The following LRIF1 variants were observed in gnomAD, a reference collection of about 807,000 sequenced individuals.
LRIF1 encodes ligand dependent nuclear receptor interacting factor 1.
LRIF1 carries 32 observed loss-of-function variants against 52.7 expected under a neutral mutation model. The ratio of observed to expected loss-of-function variants is 0.61; its 90% CI spans 0.46 to 0.82. LRIF1 has a LOEUF of 0.82. Ranked by LOEUF, LRIF1 falls within the 40% of genes least tolerant of loss-of-function variation. The pLI is 0.00. For synonymous variants in LRIF1, 323 were observed against 317.4 expected (o/e 1.02, Z -0.19); for missense variants, 887 against 892.0 (o/e 0.99, Z 0.07).
chr1:110,923,462 T>C, the LRIF1 span, among the ~76,000 whole-genome samples: 1 of 151,978 alleles, frequency 6.6e-6, no homozygotes. Context: ...TTTTATCATG[T>C]GCAAGGGTCA....
the LRIF1 span, among the ~76,000 whole-genome samples, chr1:110,935,851 T>C: frequency 6.6e-6 from 1 of 151,960 alleles, no homozygotes; most frequent in African/African-American, 2.4e-5. Flanking sequence ...AAGAATGTTA[T>C]GGAACAATGA....
At chr1:110,906,880 G>A in the LRIF1 span, among the ~76,000 whole-genome samples, 1 of 152,072 alleles carries the variant, frequency 6.6e-6, no homozygotes, top group Non-Finnish European at 1.5e-5. Flanking sequence ...TGCTCTTGAA[G>A]AAAAAACACC....
the LRIF1 span, among the ~76,000 whole-genome samples, chr1:110,902,515 A>C: frequency 2.3e-3 from 350 of 149,602 alleles, 1 homozygote; most frequent in African/African-American, 8.2e-3. Context: ...AAAAAAAAAA[A>C]AAAAAGAAAT....
In LRIF1 at chr1:110,957,470, C is replaced by CAAA. The variant is rs34396800; in HGVS notation, c.69-4658_69-4656dup. On this transcript the variant is annotated intron_variant, in intron 1 of 3. Coordinates refer to ENST00000369763, the MANE Select transcript of LRIF1 (RefSeq NM_018372.4). ...TGGGCGACAAAGCAAGACTCAGTCT[C>CAAA]AAAAAAAAAAAAAAAAAAAAAAGAC... Among the ~76,000 whole-genome samples, 32 of 42,716 alleles carry CAAA rather than the reference C, an allele frequency of 7.5e-4. 1 individual carries two copies. The highest frequency in any genetic ancestry group is 2.6e-3 in the South Asian group (2 of 766). The allele number at this position is 42,716 out of a possible 152,430, so 28.0% of individuals were successfully genotyped here.
chr1:110,940,975 G>C, the LRIF1 span: 35 of 152,170 alleles, frequency 2.3e-4, no homozygotes, highest in Non-Finnish European at 7.4e-5. Context: ...AACTAGAAGA[G>C]TGTAACTGGA....
chr1:110,913,480 T>C, the LRIF1 span, among the ~76,000 whole-genome samples: 1 of 152,200 alleles, frequency 6.6e-6, no homozygotes, highest in African/African-American at 2.4e-5. Context: ...CCATTAAAAA[T>C]GGACAAAGTA....
At chr1:110,917,275 C>T in the LRIF1 span, among the ~76,000 whole-genome samples, 1 of 152,172 alleles carries the variant, frequency 6.6e-6, no homozygotes, top group African/African-American at 2.4e-5. Context: ...TACTTGTTGC[C>T]ACTCTCTCCC....
chr1:110,931,487 TG>T, the LRIF1 span, among the ~76,000 whole-genome samples: 1 of 152,224 alleles, frequency 6.6e-6, no homozygotes, highest in African/African-American at 2.4e-5. Context: ...TAAAATCCTT[TG>T]GGTATATACC....
chr1:110,952,851 T>G (rs1205946540), intron 1 of LRIF1, 36 bp from the exon 2 acceptor site: 1 of 1,164,918 alleles, frequency 8.6e-7, no homozygotes, highest in South Asian at 1.9e-5. Context: ...TACAACATAC[T>G]ACATGGTATA....
the LRIF1 span, chr1:110,896,812 G>C: frequency 8.4e-7 from 1 of 1,185,060 alleles, no homozygotes; most frequent in Non-Finnish European, 1.2e-6. Context: ...AGTCATAGAG[G>C]ACCTAGACCT....
the LRIF1 span, among the ~76,000 whole-genome samples, chr1:110,934,986 CAGAG>C: frequency 1.3e-5 from 2 of 152,118 alleles, no homozygotes; most frequent in Admixed American, 1.3e-4. Flanking sequence ...TGGTTCAGGA[CAGAG>C]AGAAACACTC....
the LRIF1 span, among the ~76,000 whole-genome samples, chr1:110,881,915 T>A: frequency 3.3e-5 from 5 of 152,236 alleles, no homozygotes; most frequent in African/African-American, 1.2e-4. Flanking sequence ...TAGTATCTTC[T>A]TTGGTGAATT....
intron 1 of LRIF1, among the ~76,000 whole-genome samples, chr1:110,962,970 G>C (rs1449597836): frequency 1.3e-5 from 2 of 150,546 alleles, no homozygotes; most frequent in African/African-American, 4.9e-5. Flanking sequence ...AACTTTACAA[G>C]AATATCTTCC....
At chr1:110,897,670 G>A in the LRIF1 span, 4 of 492,652 alleles carry the variant, frequency 8.1e-6, no homozygotes, top group African/African-American at 3.9e-5. Flanking sequence ...CTTCATTCAC[G>A]CAAAGAAAAT....
chr1:110,878,718 A>G, the LRIF1 span, among the ~76,000 whole-genome samples: 2 of 152,210 alleles, frequency 1.3e-5, no homozygotes, highest in Admixed American at 1.3e-4. Flanking sequence ...ACTTCCATTC[A>G]CTGAAAGAAA....
chr1:110,912,508 A>G, the LRIF1 span, among the ~76,000 whole-genome samples: 150,662 of 152,276 alleles, frequency 0.99, 74,552 homozygotes, highest in Middle Eastern at 1. Context: ...CACTGCACCC[A>G]GCCAGTAGCA....
At chr1:110,876,621 T>G in the LRIF1 span, among the ~76,000 whole-genome samples, 12 of 152,210 alleles carry the variant, frequency 7.9e-5, no homozygotes, top group South Asian at 4.1e-4. Flanking sequence ...TTACCTTATA[T>G]CAGGAGCAAA....
intron 1 of LRIF1, among the ~76,000 whole-genome samples, chr1:110,953,311 C>G (rs1658560190): frequency 6.6e-6 from 1 of 152,164 alleles, no homozygotes; most frequent in Non-Finnish European, 1.5e-5. Flanking sequence ...CCTAAGCTAT[C>G]TCTCATGGTG....
chr1:110,907,377 C>T, the LRIF1 span, among the ~76,000 whole-genome samples: 63,517 of 152,014 alleles, frequency 0.42, 13,804 homozygotes, highest in Middle Eastern at 0.57. Flanking sequence ...AGGTAGATAA[C>T]TTACTGTCAG....
Sources: allele counts gnomAD v4.1 joint callset (sites outside exome capture counted in the v4.1 genomes callset), GRCh38; gene constraint gnomAD v4.1.1; transcripts MANE v1.5; gene names NCBI Gene and HGNC (gene_info 2026-07-23, HGNC 2026-07-21).